The following SAMD8 variants were observed in gnomAD, a reference collection of about 807,000 sequenced individuals.
The protein encoded by SAMD8 is sphingomyelin synthase-related protein 1.
A neutral mutation model predicts 42.0 loss-of-function variants in SAMD8; 20 were observed. The ratio of observed to expected loss-of-function variants is 0.48; its 90% CI spans 0.34 to 0.69. SAMD8 has a LOEUF of 0.69. Ranked by LOEUF, SAMD8 falls within the 30% of genes least tolerant of loss-of-function variation. The pLI is 0.01. For missense variants in SAMD8, 328 were observed against 511.6 expected, an observed-to-expected ratio of 0.64 and a Z score of 3.46; for synonymous variants, 162 against 173.0, an observed-to-expected ratio of 0.94 and a Z score of 0.50.
chr10:75,162,406 T>C (rs1012334050), intron 2 of SAMD8, among the ~76,000 whole-genome samples: 1 of 151,758 alleles, frequency 6.6e-6, no homozygotes, highest in Non-Finnish European at 1.5e-5. Flanking sequence ...TCCCAGCACT[T>C]TGGGAGGCTG....
intron 2 of SAMD8, among the ~76,000 whole-genome samples, chr10:75,156,821 T>G (rs1840420186): frequency 6.6e-6 from 1 of 152,134 alleles, no homozygotes; most frequent in South Asian, 2.1e-4. Flanking sequence ...GAAATTTAAT[T>G]AGATCCTATA....
intron 2 of SAMD8, among the ~76,000 whole-genome samples, chr10:75,151,717 C>T (rs1027130287): frequency 6.9e-6 from 1 of 144,212 alleles, no homozygotes; most frequent in African/African-American, 2.6e-5. Flanking sequence ...GACAGAGTCT[C>T]GCTCTGTCAC....
intron 1 of SAMD8, among the ~76,000 whole-genome samples, chr10:75,122,612 C>CAA (rs59709760): frequency 4.3e-5 from 5 of 115,964 alleles, no homozygotes; most frequent in Non-Finnish European, 3.7e-5. Context: ...GACTCTGTCT[C>CAA]AAAAAAAAAA....
intron 1 of SAMD8, among the ~76,000 whole-genome samples, chr10:75,100,570 G>A (rs1407790760): frequency 3.3e-5 from 5 of 152,148 alleles, no homozygotes; most frequent in Admixed American, 6.5e-5. Flanking sequence ...TCCCCAGCTG[G>A]GTGAAGCACA....
upstream of SAMD8, chr10:75,109,018 A>G (rs775770060): frequency 1.1e-5 from 17 of 1,607,140 alleles, no homozygotes; most frequent in African/African-American, 4.0e-5. Flanking sequence ...CGCATCTCCT[A>G]TGAAAAGGTT....
At position 75,102,182 on chromosome 10, in the gene SAMD8, T is replaced by C. The variant is rs565369483; in HGVS notation, c.-16+2454T>C. On this transcript the variant is annotated intron_variant, in intron 1 of 3. Coordinates refer to the SAMD8 transcript ENST00000447533. ...GGCATATTGTGTACATGTATGTTGA[T>C]AGTGGGAGAAGGGGCCGGGCGCGGT... 8.5e-5 allele frequency among the ~76,000 whole-genome samples: 13 copies of C among 152,326 alleles called. No homozygotes were observed. The South Asian group carries it at 2.5e-3, about 29-fold the overall frequency.
chr10:75,175,610 G>A (rs1355895381), intron 4 of SAMD8, among the ~76,000 whole-genome samples: 4 of 151,714 alleles, frequency 2.6e-5, no homozygotes, highest in East Asian at 1.9e-4. Context: ...GTACAGTGGC[G>A]CGATCTCGGC....
At position 75,105,790 on chromosome 10, in the gene SAMD8, C is replaced by T. The variant is rs200574063; in HGVS notation, c.-16+6062C>T. On this transcript the variant is annotated intron_variant, in intron 1 of 3. Transcript: ENST00000447533. ...GATCACCGCCTGGCGCAGGGACAGC[C>T]GCTGGTGCAGCATGAGGTAGGCCAG... 317 of 1,551,026 alleles carry T rather than the reference C, an allele frequency of 2.0e-4. 1 individual carries two copies. The African/African-American group carries it at 3.6e-3, about 18-fold the overall frequency.
chr10:75,108,299 G>A, upstream of SAMD8: 2 of 1,502,542 alleles, frequency 1.3e-6, no homozygotes, highest in Non-Finnish European at 1.8e-6. Context: ...GAGGGACCGA[G>A]CCATTAGGGT....
chr10:75,103,943 A>G, intron 1 of SAMD8: 1 of 1,321,944 alleles, frequency 7.6e-7, no homozygotes, highest in Admixed American at 2.2e-5. Context: ...CGCCAGGAGG[A>G]GCCAGATGGA....
At chr10:75,130,490 G>A (rs1335895671) in intron 1 of SAMD8, among the ~76,000 whole-genome samples, 1 of 152,024 alleles carries the variant, frequency 6.6e-6, no homozygotes, top group Non-Finnish European at 1.5e-5. Flanking sequence ...TGGGCAACAA[G>A]AGCGAAACTC....
intron 4 of SAMD8, among the ~76,000 whole-genome samples, chr10:75,174,318 A>G (rs937147686): frequency 2.0e-5 from 3 of 151,404 alleles, no homozygotes; most frequent in Non-Finnish European, 4.4e-5. Context: ...TTTAGTAGAG[A>G]TGGGGTTTCA....
intron 4 of SAMD8, among the ~76,000 whole-genome samples, chr10:75,173,913 A>G (rs1238914001): frequency 6.6e-6 from 1 of 152,214 alleles, no homozygotes; most frequent in East Asian, 1.9e-4. Flanking sequence ...TCTCTAAGCC[A>G]GTTTCCTCAT....
At chr10:75,154,904 T>G (rs550198572) in intron 2 of SAMD8, among the ~76,000 whole-genome samples, 1 of 152,148 alleles carries the variant, frequency 6.6e-6, no homozygotes, top group African/African-American at 2.4e-5. Flanking sequence ...TGTTTTTTGT[T>G]TTTTTTGAGA....
At chr10:75,106,085 T>C (rs1186144146) in intron 1 of SAMD8, among the ~76,000 whole-genome samples, 1 of 135,928 alleles carries the variant, frequency 7.4e-6, no homozygotes, top group Non-Finnish European at 1.5e-5. Flanking sequence ...AATTTCTTTT[T>C]TCTTTTCTTT....
chr10:75,166,025 A>T, intron 3 of SAMD8, among the ~76,000 whole-genome samples: 1 of 151,832 alleles, frequency 6.6e-6, no homozygotes, highest in East Asian at 1.9e-4. Flanking sequence ...CAACATGTAC[A>T]TATAGTCTGT....
upstream of SAMD8, among the ~76,000 whole-genome samples, chr10:75,106,800 G>C (rs537263566): frequency 1.3e-5 from 2 of 152,228 alleles, no homozygotes; most frequent in African/African-American, 4.8e-5. Flanking sequence ...GTGAATGAAT[G>C]GATAAATAGC....
chr10:75,151,648 T>C (rs1425970729), intron 2 of SAMD8, among the ~76,000 whole-genome samples: 3 of 152,108 alleles, frequency 2.0e-5, no homozygotes, highest in African/African-American at 7.2e-5. Context: ...CATCATGGCC[T>C]GGACTGCTTA....
rs60024591 is a variant in SAMD8, at chr10:75,148,346, C to CTTTTTTTTTTTTTT, written c.-15-2156_-15-2143dup. Among the ~76,000 whole-genome samples, 95 of 82,550 alleles carry CTTTTTTTTTTTTTT rather than the reference C, an allele frequency of 1.2e-3. 11 individuals carry two copies. The highest frequency in any genetic ancestry group is 2.5e-3 in the African/African-American group (39 of 15,312). The allele number at this position is 82,550 out of a possible 152,430, so 54.2% of individuals were successfully genotyped here. ...GGGAAAGAATGCAGAGCAATACCAG[C>CTTTTTTTTTTTTTT]TTTTTTTTTTTTTTTTTTTTTTTTT... On this transcript the variant is annotated intron_variant, in intron 1 of 5. Coordinates refer to ENST00000542569, the MANE Select transcript of SAMD8 (RefSeq NM_001174156.2).
Sources: gnomAD v4.1 joint callset for allele counts (sites outside exome capture counted in the v4.1 genomes callset) on GRCh38, gnomAD v4.1.1 for gene constraint, MANE v1.5 for transcripts, NCBI Gene and HGNC (gene_info 2026-07-23, HGNC 2026-07-21) for gene names.